The following COL20A1 variants were observed in gnomAD, a reference collection of about 807,000 sequenced individuals.
COL20A1 encodes the protein collagen type XX alpha 1 chain.
COL20A1 carries 164 observed loss-of-function variants against 152.9 expected under a neutral mutation model. The ratio of observed to expected loss-of-function variants is 1.07; its 90% CI spans 0.94 to 1.22. The LOEUF (loss-of-function observed/expected upper bound fraction) is 1.22, where lower values mean the gene tolerates loss of function less well. COL20A1 is among the 50% of genes most tolerant of loss of function. The pLI is 0.00. For missense variants in COL20A1, 1,873 were observed against 1,744.8 expected (o/e 1.07, Z -1.31); for synonymous variants, 864 against 756.0 (o/e 1.14, Z -2.34).
chr20:63,325,977 T>G (rs1164844516), intron 29 of COL20A1, 119 bp from the exon 30 acceptor site: 10 of 926,454 alleles, frequency 1.1e-5, no homozygotes, highest in Non-Finnish European at 1.4e-5. Context: ...CAGCCTCAGC[T>G]GCCTCACCTT....
At chr20:63,296,149 A>T (rs2067791510) in intron 2 of COL20A1, among the ~76,000 whole-genome samples, 1 of 152,242 alleles carries the variant, frequency 6.6e-6, no homozygotes, top group Non-Finnish European at 1.5e-5. Context: ...TGCCATGCTG[A>T]TGTGCCAGGT....
At position 63,308,720 on chromosome 20, in the gene COL20A1, G is replaced by C. The variant is rs546028993; in HGVS notation, c.940+14G>C. 6.4e-7 allele frequency: 1 copy of C among 1,572,456 alleles called. No homozygotes were observed. The highest frequency in any genetic ancestry group is 8.6e-7 in the Non-Finnish European group (1 of 1,156,830). On this transcript the variant is annotated intron_variant, in intron 8 of 35. Coordinates refer to ENST00000358894, the MANE Select transcript of COL20A1 (RefSeq NM_020882.4). ...TCTTCGCTGTGGGTGAGCACCATGC[G>C]GCTCCCCCGGCCCTGGAGTCTCACC...
chr20:63,328,244 C>T, intron 33 of COL20A1, 87 bp from the exon 34 acceptor site: 1 of 1,552,824 alleles, frequency 6.4e-7, no homozygotes, highest in Non-Finnish European at 8.8e-7. Context: ...CGTTAGCACA[C>T]CTGGGCCAGG....
At chr20:63,325,613 C>A in intron 28 of COL20A1, 55 bp from the exon 29 acceptor site, 1 of 1,577,980 alleles carries the variant, frequency 6.3e-7, no homozygotes, top group Non-Finnish European at 8.7e-7. Context: ...CAGGCAGGGC[C>A]ACCTCTGGAT....
intron 19 of COL20A1, among the ~76,000 whole-genome samples, chr20:63,314,674 A>G (rs117624667): frequency 0.071 from 10,729 of 152,124 alleles, 445 homozygotes; most frequent in South Asian, 0.11. Context: ...TGCTCCTCCC[A>G]TCAGGAGTGC....
chr20:63,310,045 G>C (rs2067984726), intron 10 of COL20A1, 130 bp downstream of exon 10: 1 of 906,842 alleles, frequency 1.1e-6, no homozygotes, highest in South Asian at 1.8e-5. Context: ...GTGTCGAGGG[G>C]CTGACAGCCC....
rs1209810389 is a variant in COL20A1 at position 63,328,485 on chromosome 20, C to A, written c.3768C>A (p.His1256Gln). Reference sequence around the variant, plus strand: ...GAGAATGGGGGCGTGGTGGCCGCCACCTTGAGGGCAGAGGTACTGGGCTCC... The same window carrying A: ...GAGAATGGGGGCGTGGTGGCCGCCAACTTGAGGGCAGAGGTACTGGGCTCC... ...VPGEWGRGGRHLEGRGEPGAV... is the reference protein window; with the variant it reads ...VPGEWGRGGRQLEGRGEPGAV... Residue 1256 changes from histidine to glutamine, a missense_variant, in exon 34 of 36, where the codon CAC becomes CAA. Coordinates refer to ENST00000358894, the MANE Select transcript of COL20A1 (RefSeq NM_020882.4). The A allele has an allele frequency of 2.5e-6, 4 of 1,611,490 alleles. No individual in the cohort carries two copies. In the South Asian group the frequency reaches 4.4e-5, roughly 18 times the overall value.
chr20:63,314,099 G>A lies in COL20A1; in HGVS notation c.2386G>A (p.Val796Met), dbSNP rs771237573. 8 of 1,612,814 alleles carry A rather than the reference G, an allele frequency of 5.0e-6. No homozygotes were observed. The highest frequency in any genetic ancestry group is 2.2e-5 in the East Asian group (1 of 44,880). The part of the protein sequence containing the change: ...SVSVPGARSH[V>M]TLPDLQAATK... ...CTCTGTGCCAGGAGCCAGGAGCCACGTGACACTGCCCGACCTGCAGGCAGC... is the reference window on the plus strand; with the variant it reads ...CTCTGTGCCAGGAGCCAGGAGCCACATGACACTGCCCGACCTGCAGGCAGC... The change falls in exon 19 of 36, where the codon GTG becomes ATG. Residue 796 changes from valine to methionine, a missense_variant. Transcript: ENST00000358894.
intron 27 of COL20A1, 158 bp from the exon 28 acceptor site, chr20:63,325,283 A>G (rs1280725319): frequency 1.4e-6 from 1 of 718,124 alleles, no homozygotes; most frequent in South Asian, 1.5e-5. Flanking sequence ...AGCCCGGGCC[A>G]CCCGGACAGA....
rs781007390 is a variant in COL20A1 at position 63,305,931 on chromosome 20, G to A, written c.388G>A (p.Gly130Ser). 8.1e-6 allele frequency: 13 copies of A among 1,612,818 alleles called. No homozygotes were observed. Among genetic ancestry groups the A allele is most frequent in the East Asian group, 4.5e-5 (2 of 44,870 alleles). ...GGACAGGAGCAGCCAGAGGCCCCTC[G>A]GCTCTGGAGCCCCGGAGCCCACCCC... ...SLDRSSQRPL[G>S]SGAPEPTPSH... The change falls in exon 5 of 36, where the codon GGC (glycine) becomes AGC (serine). Residue 130 changes from glycine (G) to serine (S), a missense_variant. By Grantham distance (56) the Gly-to-Ser change is moderately conservative. Transcript: ENST00000358894. The surrounding 1 kb of genome is among the most constrained non-coding windows in gnomAD (Gnocchi z 4.9).
rs1265319304 is a variant in COL20A1, at chr20:63,313,953, C to T, written c.2358+62C>T. The stretch of plus-strand genomic sequence containing the variant: ...TGGGGCCTCCTGGAAGGGGTATGGC[C>T]ACACTGTCTGCGAAGGGTGGCAGCT... On this transcript the variant is annotated intron_variant, in intron 18 of 35. Transcript: ENST00000358894. This position sits in a 1 kb window ranked among gnomAD's most constrained non-coding sequence, Gnocchi z 5.9. 1 of 1,589,894 alleles carries T rather than the reference C, an allele frequency of 6.3e-7. No individual in the cohort carries two copies. The highest frequency in any genetic ancestry group is 1.3e-5 in the African/African-American group (1 of 74,638).
At position 63,303,968 on chromosome 20, in the gene COL20A1, CTCT is replaced by C. The variant is rs553935822; in HGVS notation, c.194-1445_194-1443del. Among the ~76,000 whole-genome samples the C allele has an allele frequency of 3.3e-3, 471 of 144,232 alleles. 4 individuals carry two copies. The highest frequency in any genetic ancestry group is 0.011 in the African/African-American group (430 of 37,794). 94.6% of individuals were successfully genotyped at this position (144,232 alleles called of 152,430 possible). A position where few individuals can be genotyped will look rare whatever the true frequency, so the allele number is the denominator to read the frequency against. On this transcript the variant is annotated intron_variant, in intron 3 of 35. Coordinates refer to ENST00000358894, the MANE Select transcript of COL20A1 (RefSeq NM_020882.4). ...GTGTGCAGGTGTGGGTTCCTCCCTC[CTCT>C]TCTCCCTGCAGGTGCGCAGGTGTGG...
Position 63,314,145 on chromosome 20 carries a change from T to A in COL20A1, c.2432T>A (p.Val811Asp). The stretch of plus-strand genomic sequence containing the variant: ...GCAGCCACGAAGTACAGGGTCCTGG[T>A]CTCAGCTATCTATGCAGCAGGCAGG... ...LQAATKYRVL[V>D]SAIYAAGRSE... The change falls in exon 19 of 36, where the codon GTC (valine) becomes GAC (aspartate). Residue 811 changes from valine to aspartate, a missense_variant. Physicochemically the swap from Val to Asp is radical, Grantham distance 152. Coordinates refer to ENST00000358894, the MANE Select transcript of COL20A1 (RefSeq NM_020882.4). The A allele has an allele frequency of 6.2e-7, 1 of 1,601,740 alleles. No homozygotes were observed. Among genetic ancestry groups the A allele is most frequent in the Non-Finnish European group, 8.5e-7 (1 of 1,174,616 alleles).
At chr20:63,298,140 G>T (rs1207485373) in intron 3 of COL20A1, 120 bp downstream of exon 3, 2 of 644,448 alleles carry the variant, frequency 3.1e-6, no homozygotes, top group Non-Finnish European at 5.4e-6. Context: ...CTTAGTGTCA[G>T]CACCTCTCTG....
chr20:63,325,306 G>A (rs1369589318), intron 27 of COL20A1, 135 bp from the exon 28 acceptor site: 1 of 739,740 alleles, frequency 1.4e-6, no homozygotes, highest in African/African-American at 1.7e-5. Context: ...GGACCAGAAG[G>A]TCCTGGAGGC....
chr20:63,316,019 G>A (rs1476804714), intron 20 of COL20A1, among the ~76,000 whole-genome samples: 1 of 152,214 alleles, frequency 6.6e-6, no homozygotes, highest in Non-Finnish European at 1.5e-5. Context: ...GCTCTGCGCG[G>A]TGGGGCTCGC....
At chr20:63,300,772 TAA>T in intron 3 of COL20A1, among the ~76,000 whole-genome samples, 1 of 152,232 alleles carries the variant, frequency 6.6e-6, no homozygotes. Flanking sequence ...TTACAAGATA[TAA>T]AGTTAAAACT....
At chr20:63,329,742 G>C in intron 35 of COL20A1, 81 bp downstream of exon 35, 2 of 985,602 alleles carry the variant, frequency 2.0e-6, no homozygotes, top group Non-Finnish European at 2.9e-6. Context: ...CAACGGGTGG[G>C]GCCTCATGCT....
Position 63,327,990 on chromosome 20 carries a change from A to AAGTGAGGC in COL20A1, c.3564+4_3564+11dup. On this transcript the variant is annotated splice_donor_region_variant and intron_variant, in intron 32 of 35. Transcript: ENST00000358894. ...CCAAAGGGGAACGAGGAGAGAAGGT[A>AAGTGAGGC]AGTGAGGCTGAGATCTTTGGCTCAC... 1 of 1,609,572 alleles carries AAGTGAGGC rather than the reference A, an allele frequency of 6.2e-7. No individual in the cohort carries two copies. Among genetic ancestry groups the AAGTGAGGC allele is most frequent in the Non-Finnish European group, 8.5e-7 (1 of 1,178,018 alleles).
Sources: allele counts gnomAD v4.1 joint callset (sites outside exome capture counted in the v4.1 genomes callset), GRCh38; gene constraint gnomAD v4.1.1; non-coding constraint Gnocchi (gnomAD v3.1); transcripts MANE v1.5; gene names NCBI Gene and HGNC (gene_info 2026-07-23, HGNC 2026-07-21).